KSR2: variants seen among roughly 807,000 people sequenced by gnomAD.
KSR2 encodes the protein kinase suppressor of ras 2.
KSR2 carries 25 observed loss-of-function variants against 107.8 expected under a neutral mutation model. That is an observed-to-expected ratio of 0.23 (90% confidence interval 0.17 to 0.32). KSR2 has a LOEUF of 0.32. Ranked by LOEUF, KSR2 falls within the 10% of genes least tolerant of loss-of-function variation. The pLI is 1.00. For synonymous variants in KSR2, 480 were observed against 507.0 expected (o/e 0.95, Z 0.71); for missense variants, 887 against 1,268.9 (o/e 0.70, Z 4.57).
chr12:117,493,676 A>C (rs182376131), intron 14 of KSR2, among the ~76,000 whole-genome samples: 4 of 152,196 alleles, frequency 2.6e-5, no homozygotes, highest in Non-Finnish European at 4.4e-5. Flanking sequence ...TCCAGACTGT[A>C]AGCCTTAAGA....
intron 1 of KSR2, among the ~76,000 whole-genome samples, chr12:117,913,334 T>C (rs1406084542): frequency 6.6e-6 from 1 of 152,146 alleles, no homozygotes; most frequent in South Asian, 2.1e-4. Flanking sequence ...GGAACTGTAA[T>C]GACCCCTGGA....
intron 1 of KSR2, among the ~76,000 whole-genome samples, chr12:117,895,948 A>G (rs1894497654): frequency 1.3e-5 from 2 of 152,064 alleles, no homozygotes; most frequent in South Asian, 4.2e-4. Flanking sequence ...AATCTCAGCT[A>G]CTCCAGTGGC....
At chr12:117,583,773 T>C (rs1173112284) in intron 5 of KSR2, among the ~76,000 whole-genome samples, 1 of 152,168 alleles carries the variant, frequency 6.6e-6, no homozygotes, top group African/African-American at 2.4e-5. Flanking sequence ...AAGGAACTCG[T>C]CCTGCTTGTG....
At chr12:117,799,825 T>C (rs1890764517) in intron 3 of KSR2, among the ~76,000 whole-genome samples, 1 of 152,168 alleles carries the variant, frequency 6.6e-6, no homozygotes, top group South Asian at 2.1e-4. Flanking sequence ...TAAATAGTGA[T>C]GATTGTTGAG....
At chr12:117,665,201 C>G (rs568984571) in intron 5 of KSR2, among the ~76,000 whole-genome samples, 33 of 152,164 alleles carry the variant, frequency 2.2e-4, no homozygotes, top group Non-Finnish European at 4.3e-4. Flanking sequence ...TGGGAGCCAC[C>G]TTTTAATTAA....
In KSR2 at chr12:117,966,031, A is replaced by G. The variant is rs141019608; in HGVS notation, c.180+2045T>C. 5.2e-3 allele frequency among the ~76,000 whole-genome samples: 798 copies of G among 152,162 alleles called. 8 individuals carry two copies. Among genetic ancestry groups the G allele is most frequent in the African/African-American group, 0.018 (758 of 41,506 alleles). ...AAAGTGGTTGCATGCTCTGTAGCAT[A>G]CTGGGACAAGGGAACTGAAAACAGA... On this transcript the variant is annotated intron_variant, in intron 1 of 19. Coordinates refer to ENST00000339824, the MANE Select transcript of KSR2 (RefSeq NM_173598.6).
At chr12:117,684,856 C>A (rs890184287) in intron 4 of KSR2, among the ~76,000 whole-genome samples, 1 of 152,128 alleles carries the variant, frequency 6.6e-6, no homozygotes, top group African/African-American at 2.4e-5. Context: ...GCAGTTCTGG[C>A]GGATTTCAAA....
At chr12:117,636,139 TCTTCC>T (rs1565937569) in intron 5 of KSR2, among the ~76,000 whole-genome samples, 11 of 152,258 alleles carry the variant, frequency 7.2e-5, no homozygotes, top group African/African-American at 2.6e-4. Context: ...ATTTTACTCA[TCTTCC>T]ACTAATGTCT....
chr12:117,950,561 T>A (rs1221221360), intron 1 of KSR2, among the ~76,000 whole-genome samples: 1 of 151,396 alleles, frequency 6.6e-6, no homozygotes. Context: ...ATGGCAAAAC[T>A]TGTCTCCACA....
intron 4 of KSR2, among the ~76,000 whole-genome samples, chr12:117,730,318 G>A (rs1319424730): frequency 1.3e-5 from 2 of 152,148 alleles, no homozygotes; most frequent in Non-Finnish European, 2.9e-5. Flanking sequence ...CTCGTGGGAT[G>A]CTATAAACTG....
intron 1 of KSR2, among the ~76,000 whole-genome samples, chr12:117,898,335 CTT>C (rs763844468): frequency 1.1e-4 from 16 of 144,030 alleles, no homozygotes; most frequent in African/African-American, 1.0e-4. Flanking sequence ...TTTTTTTTAA[CTT>C]TTTTTTTTTT....
chr12:117,968,550 C>T lies in KSR2; in HGVS notation c.-295G>A. The T allele has an allele frequency of 9.0e-7, 1 of 1,111,472 alleles. No homozygotes were observed. The highest frequency in any genetic ancestry group is 1.1e-6 in the Non-Finnish European group (1 of 890,760). The allele number at this position is 1,111,472 out of a possible 1,614,324, so 68.9% of individuals were successfully genotyped here. A position where few individuals can be genotyped will look rare whatever the true frequency, so the allele number is the denominator to read the frequency against. ...GAGATGCTGTTTCTCAGAAGCAAAC[C>T]AGGTGATGTGATGCTGTCTGTACAC... On this transcript the variant is annotated 5_prime_UTR_variant, in exon 1 of 20. Transcript: ENST00000339824.
intron 5 of KSR2, among the ~76,000 whole-genome samples, chr12:117,648,432 T>G (rs1347863675): frequency 6.6e-6 from 1 of 152,216 alleles, no homozygotes; most frequent in Non-Finnish European, 1.5e-5. Flanking sequence ...GTAACCATTG[T>G]GCCCCTAGCA....
chr12:117,719,568 G>A lies in KSR2; in HGVS notation c.986+41443C>T, dbSNP rs758637000. ...AGGAGTGGCTTCCCCCTTTAGATGA[G>A]GCATGGGTGCTCCAGTTTGCCCCAC... On this transcript the variant is annotated intron_variant, in intron 4 of 19. Transcript: ENST00000339824. Among the ~76,000 whole-genome samples, 232 of 152,244 alleles carry A rather than the reference G, an allele frequency of 1.5e-3. 1 individual carries two copies. Among genetic ancestry groups the A allele is most frequent in the Non-Finnish European group, 1.8e-3 (121 of 68,008 alleles).
At chr12:117,858,475 T>C (rs10850912) in intron 2 of KSR2, among the ~76,000 whole-genome samples, 3,546 of 152,048 alleles carry the variant, frequency 0.023, 126 homozygotes, top group East Asian at 0.19. Context: ...CCTGGAGGAA[T>C]GGAGCGGGGT....
intron 5 of KSR2, among the ~76,000 whole-genome samples, chr12:117,653,724 C>T (rs1166932783): frequency 6.6e-6 from 1 of 152,184 alleles, no homozygotes; most frequent in African/African-American, 2.4e-5. Context: ...CCTCCTACAA[C>T]AAAAAAGAGG....
At chr12:117,806,905 C>T (rs1891029118) in intron 3 of KSR2, among the ~76,000 whole-genome samples, 2 of 152,208 alleles carry the variant, frequency 1.3e-5, no homozygotes, top group Non-Finnish European at 2.9e-5. Flanking sequence ...TCCAATTCAC[C>T]TGCTGTACAG....
chr12:117,731,635 ACTGTGT>A (rs1565984490), intron 4 of KSR2, among the ~76,000 whole-genome samples: 1 of 152,084 alleles, frequency 6.6e-6, no homozygotes, highest in East Asian at 1.9e-4. Flanking sequence ...TCAGACTGTT[ACTGTGT>A]CTGTGTGGAA....
At chr12:117,957,917 C>T (rs1368851276) in intron 1 of KSR2, among the ~76,000 whole-genome samples, 1 of 151,600 alleles carries the variant, frequency 6.6e-6, no homozygotes, top group Admixed American at 6.6e-5. Context: ...CTGCAACCTG[C>T]GCCTCCTGGG....
Sources: allele counts gnomAD v4.1 joint callset (sites outside exome capture counted in the v4.1 genomes callset), GRCh38; gene constraint gnomAD v4.1.1; transcripts MANE v1.5; gene names NCBI Gene and HGNC (gene_info 2026-07-23, HGNC 2026-07-21).